The following SIRPD variants were observed in gnomAD, a reference collection of about 807,000 sequenced individuals.
SIRPD encodes signal-regulatory protein delta.
In SIRPD, 21 loss-of-function variants were observed where a neutral mutation model predicts 18.0. The ratio of observed to expected loss-of-function variants is 1.17; its 90% CI spans 0.83 to 1.68. The LOEUF (loss-of-function observed/expected upper bound fraction) is 1.68. SIRPD is among the 40% of genes most tolerant of loss of function. The pLI, the probability that SIRPD is intolerant of heterozygous loss-of-function variation, is 0.00. For synonymous variants in SIRPD, 106 were observed against 92.9 expected (o/e 1.14, Z -0.81); for missense variants, 295 against 238.4 (o/e 1.24, Z -1.56).
intron 2 of SIRPD, among the ~76,000 whole-genome samples, chr20:1,542,285 TTTTG>T (rs968360196): frequency 6.6e-6 from 1 of 150,468 alleles, no homozygotes; most frequent in Non-Finnish European, 1.5e-5. Flanking sequence ...GTGGAATGTT[TTTTG>T]TTTGTGTCCT....
intron 2 of SIRPD, among the ~76,000 whole-genome samples, chr20:1,545,057 C>T (rs970037247): frequency 6.6e-6 from 1 of 152,204 alleles, no homozygotes; most frequent in African/African-American, 2.4e-5. Context: ...TTTTTCACTT[C>T]ATTTCAACCT....
At chr20:1,544,438 C>CT (rs57088454) in intron 2 of SIRPD, among the ~76,000 whole-genome samples, 577 of 140,006 alleles carry the variant, frequency 4.1e-3, no homozygotes, top group South Asian at 7.3e-3. Context: ...GCAACAACTG[C>CT]TTTTTTTTTT....
At chr20:1,553,743 T>TCAA (rs1180324605) in intron 1 of SIRPD, among the ~76,000 whole-genome samples, 2 of 152,134 alleles carry the variant, frequency 1.3e-5, no homozygotes. Context: ...ATGTGGCTTG[T>TCAA]CAACATAGCT....
At chr20:1,537,940 C>T (rs2256258) in intron 2 of SIRPD, among the ~76,000 whole-genome samples, 52,440 of 151,944 alleles carry the variant, frequency 0.35, 10,177 homozygotes, top group East Asian at 0.62. Context: ...CATGCAGAAA[C>T]GCAGCTGGGA....
intron 2 of SIRPD, among the ~76,000 whole-genome samples, chr20:1,539,767 G>A (rs929495643): frequency 5.3e-5 from 8 of 152,192 alleles, no homozygotes; most frequent in African/African-American, 1.9e-4. Context: ...CAGCTGCCAT[G>A]TTGTGAGCTG....
At chr20:1,537,656 G>A (rs1200592554) in intron 2 of SIRPD, among the ~76,000 whole-genome samples, 2 of 152,174 alleles carry the variant, frequency 1.3e-5, no homozygotes, top group South Asian at 2.1e-4. Context: ...CAGCTAGTCA[G>A]GAGGAGGGCT....
At chr20:1,549,927 G>C (rs961801422) in intron 2 of SIRPD, among the ~76,000 whole-genome samples, 14 of 152,152 alleles carry the variant, frequency 9.2e-5, no homozygotes, top group Admixed American at 9.2e-4. Context: ...ATTAAGAAAT[G>C]GCATAAATTT....
chr20:1,552,665 C>G (rs929433617), intron 1 of SIRPD, among the ~76,000 whole-genome samples: 4 of 152,238 alleles, frequency 2.6e-5, no homozygotes, highest in East Asian at 1.9e-4. Context: ...GAGGTTCTCA[C>G]CAGCCACCCT....
At chr20:1,538,474 C>CGAAG (rs1386238000) in intron 2 of SIRPD, among the ~76,000 whole-genome samples, 1 of 152,192 alleles carries the variant, frequency 6.6e-6, no homozygotes. Context: ...GGTCCCTCTT[C>CGAAG]ACTCATGCTC....
chr20:1,553,318 T>G (rs1803078053), intron 1 of SIRPD, among the ~76,000 whole-genome samples: 1 of 152,150 alleles, frequency 6.6e-6, no homozygotes, highest in South Asian at 2.1e-4. Flanking sequence ...ACTCAGGTAC[T>G]TGCTATCAGG....
chr20:1,556,025 C>T (rs892314122), intron 1 of SIRPD, among the ~76,000 whole-genome samples: 1 of 152,190 alleles, frequency 6.6e-6, no homozygotes, highest in Non-Finnish European at 1.5e-5. Context: ...TCCCTCAGTT[C>T]ATTGCCATGT....
chr20:1,547,348 G>A (rs1324299679), intron 2 of SIRPD, among the ~76,000 whole-genome samples: 1 of 152,072 alleles, frequency 6.6e-6, no homozygotes, highest in East Asian at 1.9e-4. Context: ...CTTTTCCATT[G>A]GTCTATAGGT....
Position 1,534,351 on chromosome 20 carries a change from A to G in SIRPD, c.*74T>C, listed in dbSNP as rs2090936279. ...AAGAAGGCAAATGAAACTCCTAAAA[A>G]GTAGCTGTCTCCAGGGAGTCAGAAG... On this transcript the variant is annotated 3_prime_UTR_variant, in exon 4 of 4. Coordinates refer to ENST00000381623, the MANE Select transcript of SIRPD (RefSeq NM_178460.3). 4 of 1,592,992 alleles carry G rather than the reference A, an allele frequency of 2.5e-6. No individual in the cohort carries two copies. The highest frequency in any genetic ancestry group is 2.2e-5 in the East Asian group (1 of 44,768).
rs1168162370 is a variant in SIRPD, at chr20:1,551,748, T to C, written c.364A>G (p.Lys122Glu). The C allele has an allele frequency of 3.1e-6, 5 of 1,614,088 alleles. No individual in the cohort carries two copies. Among genetic ancestry groups the C allele is most frequent in the Non-Finnish European group, 3.4e-6 (4 of 1,179,966 alleles). Residue 122 changes from lysine to glutamate, a missense_variant, in exon 2 of 4, where the codon AAA becomes GAA. Transcript: ENST00000381623. ...AGTYYCVKFI[K>E]GRAIKEYQSG... ...TGGTACTCCTTGATAGCTCTTCCTT[T>C]TATGAACTTCACGCAGTAATAGGTG...
intron 2 of SIRPD, among the ~76,000 whole-genome samples, chr20:1,547,444 A>G (rs1054664629): frequency 6.6e-6 from 1 of 151,998 alleles, no homozygotes; most frequent in Non-Finnish European, 1.5e-5. Context: ...ATTTTTAGAG[A>G]TGAGATTTCA....
At chr20:1,548,976 G>A (rs369488516) in intron 2 of SIRPD, among the ~76,000 whole-genome samples, 1 of 151,934 alleles carries the variant, frequency 6.6e-6, no homozygotes, top group East Asian at 1.9e-4. Context: ...TATGCGGTGT[G>A]CTTAATGATG....
rs758091838 is a variant in SIRPD, at chr20:1,551,997, G to C, written c.115C>G (p.Gln39Glu). 1 of 1,614,010 alleles carries C rather than the reference G, an allele frequency of 6.2e-7. No homozygotes were observed. Among genetic ancestry groups the C allele is most frequent in the Non-Finnish European group, 8.5e-7 (1 of 1,179,942 alleles). ...ATTGACTCCCCAGTTGATACAGTCT[G>C]TGACATCTCCGTTTGTTGCACATGG... is the stretch of plus-strand genomic sequence containing the variant. ...VFHVQQTEMS[Q>E]TVSTGESIIL... is the part of the protein sequence containing the mutation. Residue 39 changes from glutamine (Q) to glutamate (E), a missense_variant, in exon 2 of 4, where the codon CAG becomes GAG. Physicochemically the swap from Gln to Glu is conservative, Grantham distance 29. Coordinates refer to ENST00000381623, the MANE Select transcript of SIRPD (RefSeq NM_178460.3).
rs777987968 is a variant in SIRPD at position 1,557,671 on chromosome 20, C to A, written c.-18G>T. 6 of 1,610,334 alleles carry A rather than the reference C, an allele frequency of 3.7e-6. No homozygotes were observed. The highest frequency in any genetic ancestry group is 5.1e-6 in the Non-Finnish European group (6 of 1,178,196). On this transcript the variant is annotated 5_prime_UTR_variant, in exon 1 of 4. Coordinates refer to ENST00000381623, the MANE Select transcript of SIRPD (RefSeq NM_178460.3). ...ATGGGCATTGTGGTGAAACCTGGAG[C>A]TTGCTCTGCCTGAATGCCTGTCCTG... is the stretch of plus-strand genomic sequence containing the variant.
At chr20:1,543,437 C>G (rs750370771) in intron 2 of SIRPD, among the ~76,000 whole-genome samples, 1 of 148,524 alleles carries the variant, frequency 6.7e-6, no homozygotes, top group Admixed American at 6.7e-5. Flanking sequence ...TTATAGTATT[C>G]GCTGATGGTA....
Sources: allele counts gnomAD v4.1 joint callset (sites outside exome capture counted in the v4.1 genomes callset), GRCh38; gene constraint gnomAD v4.1.1; transcripts MANE v1.5; gene names NCBI Gene and HGNC (gene_info 2026-07-23, HGNC 2026-07-21).